ZKSCAN7: variants seen among roughly 807,000 people sequenced by gnomAD.
ZKSCAN7 encodes zinc finger protein with KRAB and SCAN domains 7.
ZKSCAN7 carries 38 observed loss-of-function variants against 65.3 expected under a neutral mutation model. The observed-to-expected ratio is 0.58, with a 90% confidence interval of 0.45 to 0.76. The LOEUF (loss-of-function observed/expected upper bound fraction) is 0.76, where lower values mean the gene tolerates loss of function less well. Ranked by LOEUF, ZKSCAN7 falls within the 30% of genes least tolerant of loss-of-function variation. The pLI is 0.00. For missense variants in ZKSCAN7, 815 were observed against 913.3 expected (o/e 0.89, Z 1.39); for synonymous variants, 321 against 321.0 (o/e 1.00, Z 0.00).
At chr3:44,580,244 C>T in intron 5 of ZKSCAN7, 14 of 1,613,358 alleles carry the variant, frequency 8.7e-6, no homozygotes, top group Non-Finnish European at 1.1e-5. Flanking sequence ...AGTAGCTGCT[C>T]TCCCCCCGGA....
intron 2 of ZKSCAN7, among the ~76,000 whole-genome samples, chr3:44,562,699 AGGGCT>A (rs1699509470): frequency 2.6e-5 from 4 of 152,208 alleles, no homozygotes; most frequent in Admixed American, 2.0e-4. Flanking sequence ...CTTCTGCTAG[AGGGCT>A]GGGCGTGGTG....
chr3:44,557,353 C>G lies in ZKSCAN7; in HGVS notation c.306C>G (p.Phe102Leu). The G allele has an allele frequency of 6.2e-7, 1 of 1,614,274 alleles. No homozygotes were observed. The highest frequency in any genetic ancestry group is 2.2e-5 in the East Asian group (1 of 44,884). Reference protein sequence around the residue: ...QILELLVLEQFLSILPGELRT... With the variant: ...QILELLVLEQLLSILPGELRT... ...TGGAGCTGCTGGTGCTTGAGCAGTT[C>G]CTGAGCATCCTCCCTGGGGAGCTCC... The change falls in exon 2 of 6, where the codon TTC (phenylalanine) becomes TTG (leucine). Residue 102 changes from phenylalanine to leucine, a missense_variant. By Grantham distance (22) the Phe-to-Leu change is conservative. Transcript: ENST00000426540.
Position 44,570,411 on chromosome 3 carries a change from C to T in ZKSCAN7, c.1301C>T (p.Thr434Ile). ...CTCATTGTTCATCTCAGAACCCACA[C>T]AGGGGAAAAACCCTATGAATGCAGT... ...SQLIVHLRTH[T>I]GEKPYECSEC... Residue 434 changes from threonine to isoleucine, a missense_variant, in exon 6 of 6, where the codon ACA becomes ATA. Around this residue, in one of 3 missense-constraint regions of ZKSCAN7, gnomAD observed 578 missense variants for 629.5 expected, o/e 0.92. Transcript: ENST00000426540. 6.2e-7 allele frequency: 1 copy of T among 1,613,986 alleles called. No individual in the cohort carries two copies. The highest frequency in any genetic ancestry group is 1.3e-5 in the African/African-American group (1 of 75,004).
rs144499907 is a variant in ZKSCAN7, at chr3:44,577,971, G to A, written c.812-5001G>A. ...AAAGAGCTTCAACCGTTCTTGCACC[G>A]TCAGGCCTTCCTTCAGACTCTTGGA... On this transcript the variant is annotated intron_variant, in intron 5 of 5. Coordinates refer to the ZKSCAN7 transcript ENST00000341840. Among the ~76,000 whole-genome samples, 1,336 of 152,306 alleles carry A rather than the reference G, an allele frequency of 8.8e-3. 22 individuals are homozygous for A. Among genetic ancestry groups the A allele is most frequent in the African/African-American group, 0.031 (1,277 of 41,554 alleles).
intron 5 of ZKSCAN7, chr3:44,578,083 C>T (rs183761251): frequency 5.7e-6 from 9 of 1,584,426 alleles, no homozygotes; most frequent in South Asian, 2.2e-5. Flanking sequence ...ATATCATATC[C>T]GGACACCATG....
At chr3:44,575,410 G>A (rs1004439581), downstream of ZKSCAN7, among the ~76,000 whole-genome samples, 1 of 152,192 alleles carries the variant, frequency 6.6e-6, no homozygotes, top group Non-Finnish European at 1.5e-5. Context: ...ATAGGGTTGT[G>A]AGGATTAAAT....
At chr3:44,577,820 C>A (rs1319330512) in intron 5 of ZKSCAN7, among the ~76,000 whole-genome samples, 1 of 152,196 alleles carries the variant, frequency 6.6e-6, no homozygotes, top group Non-Finnish European at 1.5e-5. Context: ...TTAACGATGA[C>A]AACAACAGCA....
At chr3:44,556,846 C>A (rs565016275) in intron 1 of ZKSCAN7, 84 bp from the exon 2 acceptor site, 2 of 692,970 alleles carry the variant, frequency 2.9e-6, no homozygotes, top group Non-Finnish European at 4.9e-6. Flanking sequence ...TTTCCTGGAG[C>A]TTTGTTTTTT....
downstream of ZKSCAN7, among the ~76,000 whole-genome samples, chr3:44,574,203 C>G (rs1699880441): frequency 6.6e-6 from 1 of 152,134 alleles, no homozygotes. Context: ...CCTCAACTTT[C>G]CAGGCTCAGG....
At chr3:44,561,944 C>T (rs1559424021) in intron 2 of ZKSCAN7, among the ~76,000 whole-genome samples, 1 of 152,350 alleles carries the variant, frequency 6.6e-6, no homozygotes, top group Non-Finnish European at 1.5e-5. Context: ...TGTGGATTTA[C>T]CATTCTGGGG....
At chr3:44,568,541 A>T in intron 5 of ZKSCAN7, 108 bp downstream of exon 5, 7 of 1,496,346 alleles carry the variant, frequency 4.7e-6, no homozygotes, top group Non-Finnish European at 6.3e-6. Context: ...AAACATAGTT[A>T]AACTAGAGTG....
Position 44,569,872 on chromosome 3 carries a change from T to C in ZKSCAN7, c.812-50T>C, listed in dbSNP as rs762831738. 72 of 1,490,764 alleles carry C rather than the reference T, an allele frequency of 4.8e-5. No individual in the cohort carries two copies. In the South Asian group the frequency reaches 9.0e-4, roughly 19 times the overall value. The allele number at this position is 1,490,764 out of a possible 1,614,324, so 92.3% of individuals were successfully genotyped here. A position where few individuals can be genotyped will look rare whatever the true frequency, so the allele number is the denominator to read the frequency against. On this transcript the variant is annotated intron_variant, in intron 5 of 5. Transcript: ENST00000426540. Reference sequence around the variant, plus strand: ...GTTAGCTCTTAATGATTCTCTTTCTTAAACAGGATAAGAAATGGGTAAAAG... The same window carrying C: ...GTTAGCTCTTAATGATTCTCTTTCTCAAACAGGATAAGAAATGGGTAAAAG...
rs139524002 is a variant in ZKSCAN7, at chr3:44,578,186, G to A, written c.812-4786G>A. On this transcript the variant is annotated intron_variant, in intron 5 of 5. Coordinates refer to the ZKSCAN7 transcript ENST00000341840. Reference sequence around the variant, plus strand: ...TGTCACAGTCAGCCTTAGCCTTTGCGATGCTGAGCTCTGTGTAGATGTCTT... The same window carrying A: ...TGTCACAGTCAGCCTTAGCCTTTGCAATGCTGAGCTCTGTGTAGATGTCTT... 7.1e-4 allele frequency: 1,076 copies of A among 1,521,266 alleles called. 9 individuals carry two copies. In the African/African-American group the frequency reaches 0.013, roughly 19 times the overall value. The allele number at this position is 1,521,266 out of a possible 1,614,324, so 94.2% of individuals were successfully genotyped here.
chr3:44,570,044 G>A lies in ZKSCAN7; in HGVS notation c.934G>A (p.Gly312Arg). ...FGVVPGAAET[G>R]DVCEDTFKEL... ...GGTGGTTCCTGGGGCAGCAGAGACT[G>A]GAGATGTTTGTGAAGATACTTTCAA... Residue 312 changes from glycine to arginine, a missense_variant, in exon 6 of 6, where the codon GGA becomes AGA. Physicochemically the swap from Gly to Arg is moderately radical, Grantham distance 125 (BLOSUM62 -2). Around this residue, in one of 3 missense-constraint regions of ZKSCAN7, gnomAD observed 578 missense variants for 629.5 expected, o/e 0.92. Coordinates refer to ENST00000426540, the MANE Select transcript of ZKSCAN7 (RefSeq NM_001288590.2). 1 of 1,613,944 alleles carries A rather than the reference G, an allele frequency of 6.2e-7. No individual in the cohort carries two copies. The highest frequency in any genetic ancestry group is 2.2e-5 in the East Asian group (1 of 44,874).
downstream of ZKSCAN7, among the ~76,000 whole-genome samples, chr3:44,575,286 C>A (rs1362545362): frequency 2.0e-5 from 3 of 152,132 alleles, no homozygotes; most frequent in Admixed American, 6.6e-5. Context: ...ATGAGTGAGA[C>A]CCTGTCTTAA....
chr3:44,565,353 T>C (rs1699599662), intron 2 of ZKSCAN7, 134 bp from the exon 3 acceptor site: 5 of 809,842 alleles, frequency 6.2e-6, no homozygotes, highest in South Asian at 2.4e-5. Flanking sequence ...CAGTAGACTG[T>C]AGTGGTGGGG....
At chr3:44,578,719 G>C (rs891914654) in intron 5 of ZKSCAN7, among the ~76,000 whole-genome samples, 1 of 152,118 alleles carries the variant, frequency 6.6e-6, no homozygotes, top group African/African-American at 2.4e-5. Context: ...TCATGGCTTC[G>C]ATGGCTGAGA....
intron 5 of ZKSCAN7, chr3:44,580,143 T>C: frequency 6.4e-7 from 1 of 1,569,216 alleles, no homozygotes; most frequent in Admixed American, 1.7e-5. Context: ...GGACCTCCTG[T>C]GGTTGGGGGT....
intron 5 of ZKSCAN7, chr3:44,580,101 A>C: frequency 6.3e-7 from 1 of 1,598,516 alleles, no homozygotes; most frequent in Non-Finnish European, 8.5e-7. Context: ...TGCCTTCTCA[A>C]TGTCCAAGGC....
Sources: gnomAD v4.1 joint callset for allele counts (sites outside exome capture counted in the v4.1 genomes callset) on GRCh38, gnomAD v4.1.1 for gene constraint, gnomAD v4.1.1 regional missense constraint, MANE v1.5 for transcripts, NCBI Gene and HGNC (gene_info 2026-07-23, HGNC 2026-07-21) for gene names.